PPME1: variants seen among roughly 807,000 people sequenced by gnomAD.
PPME1 encodes protein phosphatase methylesterase 1.
PPME1 carries 17 observed loss-of-function variants against 56.9 expected under a neutral mutation model. The ratio of observed to expected loss-of-function variants is 0.30; its 90% CI spans 0.20 to 0.45. The LOEUF is 0.45. Ranked by LOEUF, PPME1 falls within the 20% of genes least tolerant of loss-of-function variation. PPME1 has a pLI of 1.00. For synonymous variants in PPME1, 122 were observed against 156.2 expected (o/e 0.78, Z 1.63); for missense variants, 357 against 483.2 (o/e 0.74, Z 2.45).
chr11:74,251,287 C>T, intron 12 of PPME1: 4 of 1,359,554 alleles, frequency 2.9e-6, no homozygotes, highest in Middle Eastern at 2.8e-4. Context: ...TCCAATACCC[C>T]CAAAAGCCAG....
intron 1 of PPME1, among the ~76,000 whole-genome samples, chr11:74,179,431 G>T (rs1683814099): frequency 6.6e-6 from 1 of 152,176 alleles, no homozygotes; most frequent in African/African-American, 2.4e-5. Context: ...GGAGTTTGAG[G>T]TTGCAGTGTG....
intron 5 of PPME1, among the ~76,000 whole-genome samples, chr11:74,229,838 A>G (rs912050678): frequency 6.6e-6 from 1 of 152,238 alleles, no homozygotes; most frequent in African/African-American, 2.4e-5. Flanking sequence ...GAGGTTTACT[A>G]CATTATAATG....
intron 8 of PPME1, 75 bp from the exon 9 acceptor site, chr11:74,239,058 G>A (rs750698851): frequency 3.7e-5 from 51 of 1,395,698 alleles, no homozygotes; most frequent in African/African-American, 1.4e-4. Flanking sequence ...ATAAAAGGCC[G>A]TAAGTATGAG....
chr11:74,220,508 G>A lies in PPME1; in HGVS notation c.289-1804G>A, dbSNP rs376271198. On this transcript the variant is annotated intron_variant, in intron 3 of 13. Transcript: ENST00000328257. Reference sequence around the variant, plus strand: ...CAGGGTTGAAAACCACCTGGAACCAGGCAGCTTGGATTTGAAAATTGGCTC... The same window carrying A: ...CAGGGTTGAAAACCACCTGGAACCAAGCAGCTTGGATTTGAAAATTGGCTC... Among the ~76,000 whole-genome samples the A allele has an allele frequency of 6.6e-5, 10 of 152,314 alleles. No homozygotes were observed. The East Asian group carries it at 1.7e-3, about 26-fold the overall frequency.
intron 3 of PPME1, 114 bp from the exon 4 acceptor site, chr11:74,222,197 AT>A: frequency 1.3e-6 from 1 of 748,878 alleles, no homozygotes; most frequent in Non-Finnish European, 2.2e-6. Flanking sequence ...AAGTCTTTTG[AT>A]TCTCTTGGGT....
chr11:74,201,254 C>T (rs1171398909), intron 1 of PPME1, among the ~76,000 whole-genome samples: 2 of 152,176 alleles, frequency 1.3e-5, no homozygotes, highest in Non-Finnish European at 2.9e-5. Flanking sequence ...GGATTACAGG[C>T]GTGAGCCACC....
intron 3 of PPME1, among the ~76,000 whole-genome samples, chr11:74,207,821 C>A (rs1858365933): frequency 6.6e-6 from 1 of 152,170 alleles, no homozygotes; most frequent in African/African-American, 2.4e-5. Flanking sequence ...TAGATTTTGC[C>A]AGCCTCCAAT....
At chr11:74,208,978 G>A (rs996760665) in intron 3 of PPME1, among the ~76,000 whole-genome samples, 1 of 152,160 alleles carries the variant, frequency 6.6e-6, no homozygotes, top group Non-Finnish European at 1.5e-5. Flanking sequence ...TGAGGGTGGA[G>A]AGCAGGGAAA....
intron 1 of PPME1, among the ~76,000 whole-genome samples, chr11:74,197,235 T>C (rs538152932): frequency 5.9e-5 from 9 of 152,322 alleles, no homozygotes; most frequent in African/African-American, 1.9e-4. Context: ...GTAATAAATA[T>C]TTATTGAGAA....
In PPME1 at chr11:74,225,233, T is replaced by C. The variant is rs781392985; in HGVS notation, c.375T>C (p.Asp125=). The part of the protein sequence containing the change: ...HGETKVKNPE[D]LSAETMAKDV... ...AAACAAAGGTCAAGAATCCTGAAGATCTGTCTGCAGAAACAATGGCAAAGT... is the reference window on the plus strand; with the variant it reads ...AAACAAAGGTCAAGAATCCTGAAGACCTGTCTGCAGAAACAATGGCAAAGT... Residue 125 remains aspartate (D), a synonymous_variant, in exon 5 of 14, where the codon GAT becomes GAC. Coordinates refer to ENST00000328257, the MANE Select transcript of PPME1 (RefSeq NM_016147.3). 6.4e-7 allele frequency: 1 copy of C among 1,571,048 alleles called. No homozygotes were observed. Among genetic ancestry groups the C allele is most frequent in the South Asian group, 1.2e-5 (1 of 84,596 alleles).
chr11:74,241,536 A>G (rs571487603), intron 9 of PPME1, among the ~76,000 whole-genome samples: 87 of 152,312 alleles, frequency 5.7e-4, no homozygotes, highest in African/African-American at 2.0e-3. Context: ...TCATATGGTA[A>G]CTATATTTAA....
intron 3 of PPME1, among the ~76,000 whole-genome samples, chr11:74,213,649 A>G (rs1858539931): frequency 6.6e-6 from 1 of 152,198 alleles, no homozygotes; most frequent in Admixed American, 6.5e-5. Context: ...GACCCCATTT[A>G]TTTGGGAGAA....
At chr11:74,218,507 A>G (rs966604818) in intron 3 of PPME1, among the ~76,000 whole-genome samples, 1 of 152,228 alleles carries the variant, frequency 6.6e-6, no homozygotes, top group South Asian at 2.1e-4. Context: ...ATTATACCAC[A>G]GGGTTATAAC....
chr11:74,181,231 G>A (rs1390500092), intron 1 of PPME1, among the ~76,000 whole-genome samples: 2 of 149,664 alleles, frequency 1.3e-5, no homozygotes, highest in African/African-American at 2.5e-5. Context: ...TGTATTTTTA[G>A]TAGAGACGGG....
chr11:74,214,775 C>T (rs1204840889), intron 3 of PPME1, among the ~76,000 whole-genome samples: 2 of 151,704 alleles, frequency 1.3e-5, no homozygotes, highest in Admixed American at 1.3e-4. Context: ...TTCCCAGACA[C>T]ACAAAAGCTG....
At chr11:74,236,416 C>T (rs1379379814) in intron 8 of PPME1, among the ~76,000 whole-genome samples, 1 of 152,166 alleles carries the variant, frequency 6.6e-6, no homozygotes, top group African/African-American at 2.4e-5. Context: ...CCCAATTGAT[C>T]TTTCCTGATA....
chr11:74,230,773 A>G lies in PPME1; in HGVS notation c.554-139A>G. 1 of 715,866 alleles carries G rather than the reference A, an allele frequency of 1.4e-6. No individual in the cohort carries two copies. The highest frequency in any genetic ancestry group is 2.3e-6 in the Non-Finnish European group (1 of 428,618). 44.3% of individuals were successfully genotyped at this position (715,866 alleles called of 1,614,324 possible). On this transcript the variant is annotated intron_variant, in intron 6 of 13. Coordinates refer to ENST00000328257, the MANE Select transcript of PPME1 (RefSeq NM_016147.3). The surrounding 1 kb of genome is among the most constrained non-coding windows in gnomAD (Gnocchi z 4.9). ...AGTGAATACCCCAGAGGCAAAAATTATTGAGGGCCATCTTTATTTCTCTGC... is the reference window on the plus strand; with the variant it reads ...AGTGAATACCCCAGAGGCAAAAATTGTTGAGGGCCATCTTTATTTCTCTGC...
intron 1 of PPME1, among the ~76,000 whole-genome samples, chr11:74,179,058 T>C (rs537114785): frequency 7.2e-5 from 11 of 152,356 alleles, no homozygotes; most frequent in African/African-American, 2.4e-4. Flanking sequence ...AGAGATTATA[T>C]TGAAAATTCC....
At chr11:74,193,384 A>G (rs1857894686) in intron 1 of PPME1, among the ~76,000 whole-genome samples, 1 of 152,228 alleles carries the variant, frequency 6.6e-6, no homozygotes, top group African/African-American at 2.4e-5. Context: ...CATGTGTATA[A>G]GGTCTTTATT....
Sources: allele counts gnomAD v4.1 joint callset (sites outside exome capture counted in the v4.1 genomes callset), GRCh38; gene constraint gnomAD v4.1.1; non-coding constraint Gnocchi (gnomAD v3.1); transcripts MANE v1.5; gene names NCBI Gene and HGNC (gene_info 2026-07-23, HGNC 2026-07-21).